The following ADCK1 variants were observed in gnomAD, a reference collection of about 807,000 sequenced individuals.
ADCK1 encodes the protein aarF domain containing kinase 1, also known as aarF domain-containing protein kinase 1.
ADCK1 carries 41 observed loss-of-function variants against 52.3 expected under a neutral mutation model. That is an observed-to-expected ratio of 0.78 (90% CI 0.61 to 1.02). ADCK1 has a LOEUF of 1.02. ADCK1 is among the 50% of genes least tolerant of loss of function. The pLI, the probability that ADCK1 is intolerant of heterozygous loss-of-function variation, is 0.00. For missense variants in ADCK1, 658 were observed against 679.5 expected (o/e 0.97, Z 0.35); for synonymous variants, 250 against 274.6 (o/e 0.91, Z 0.89).
Position 77,887,224 on chromosome 14 carries a change from G to A in ADCK1, c.557G>A (p.Ser186Asn). Residue 186 changes from serine (S) to asparagine (N), a missense_variant, in exon 5 of 11, where the codon AGC (serine) becomes AAC (asparagine). Coordinates refer to ENST00000238561, the MANE Select transcript of ADCK1 (RefSeq NM_020421.4). ...CAGCACCCAAAGGTGCGGGCTCAGAGCTCGAAGGACATTCTCCTGATGGAG... is the reference window on the plus strand; with the variant it reads ...CAGCACCCAAAGGTGCGGGCTCAGAACTCGAAGGACATTCTCCTGATGGAG... ...KVQHPKVRAQ[S>N]SKDILLMEVL... 2 of 1,594,136 alleles carry A rather than the reference G, an allele frequency of 1.3e-6. No individual in the cohort carries two copies. The highest frequency in any genetic ancestry group is 8.5e-7 in the Non-Finnish European group (1 of 1,170,118).
intron 4 of ADCK1, among the ~76,000 whole-genome samples, chr14:77,867,536 G>A (rs17106503): frequency 0.032 from 4,834 of 152,242 alleles, 145 homozygotes; most frequent in South Asian, 0.12. Flanking sequence ...GAGAGATTTC[G>A]GCCATAAAAT....
At chr14:77,812,722 T>C (rs2081360878) in intron 1 of ADCK1, among the ~76,000 whole-genome samples, 1 of 152,022 alleles carries the variant, frequency 6.6e-6, no homozygotes, top group South Asian at 2.1e-4. Context: ...CCTGAGTAGC[T>C]GGAATTACAG....
intron 4 of ADCK1, among the ~76,000 whole-genome samples, chr14:77,882,184 A>T (rs1289415692): frequency 6.6e-6 from 1 of 152,156 alleles, no homozygotes; most frequent in Non-Finnish European, 1.5e-5. Flanking sequence ...AACCACTTCC[A>T]TTAGTGTGGA....
At position 77,931,416 on chromosome 14, in the gene ADCK1, G is replaced by T. The variant is rs2084330313; in HGVS notation, c.1207-102G>T. On this transcript the variant is annotated intron_variant, in intron 9 of 10. Coordinates refer to ENST00000238561, the MANE Select transcript of ADCK1 (RefSeq NM_020421.4). ...GCGGTGCCTGAAGCTCCCTCCTGGG[G>T]CTTCTTTGCAGCCCTCTGGTCACAG... The T allele has an allele frequency of 2.4e-6, 3 of 1,239,022 alleles. No individual in the cohort carries two copies. The South Asian group carries it at 4.3e-5, about 18-fold the overall frequency. The allele number at this position is 1,239,022 out of a possible 1,614,324, so 76.8% of individuals were successfully genotyped here.
chr14:77,899,382 C>T (rs1219955979), intron 6 of ADCK1, 124 bp downstream of exon 6: 36 of 1,294,786 alleles, frequency 2.8e-5, no homozygotes, highest in African/African-American at 5.9e-5. Flanking sequence ...AGTCCTCTTA[C>T]TGAGGATGAA....
chr14:77,806,121 C>T (rs1171134405), intron 1 of ADCK1, among the ~76,000 whole-genome samples: 2 of 150,000 alleles, frequency 1.3e-5, no homozygotes, highest in Non-Finnish European at 3.0e-5. Flanking sequence ...GAGATGAGGT[C>T]TCTCTATGTT....
chr14:77,924,593 A>G lies in ADCK1; in HGVS notation c.995A>G (p.His332Arg). ...AAGGCGGAGATTGTCCTGTTGGACC[A>G]TGGGCTTTACCAGGTAGAAGAGGCC... ...TGKAEIVLLD[H>R]GLYQMLTEEF... Residue 332 changes from histidine to arginine, a missense_variant, in exon 8 of 11, where the codon CAT becomes CGT. Transcript: ENST00000238561. 6.2e-7 allele frequency: 1 copy of G among 1,613,306 alleles called. No individual in the cohort carries two copies. Among genetic ancestry groups the G allele is most frequent in the Non-Finnish European group, 8.5e-7 (1 of 1,180,030 alleles).
At chr14:77,855,651 G>A (rs2082402636) in intron 3 of ADCK1, among the ~76,000 whole-genome samples, 1 of 152,188 alleles carries the variant, frequency 6.6e-6, no homozygotes, top group African/African-American at 2.4e-5. Context: ...GACAGTGTGG[G>A]CCTGATTTCT....
chr14:77,867,055 C>T (rs986119683), intron 4 of ADCK1, among the ~76,000 whole-genome samples: 11 of 152,232 alleles, frequency 7.2e-5, no homozygotes, highest in Non-Finnish European at 1.5e-4. Flanking sequence ...AGGTACTACA[C>T]CAGCCCCTGG....
chr14:77,800,873 A>G (rs979434028), intron 1 of ADCK1, among the ~76,000 whole-genome samples: 4 of 152,256 alleles, frequency 2.6e-5, no homozygotes, highest in African/African-American at 9.6e-5. Context: ...GTAGGTGCTC[A>G]AGAAATATTT....
At chr14:77,827,753 G>A (rs1332440773) in intron 3 of ADCK1, 2 of 367,378 alleles carry the variant, frequency 5.4e-6, no homozygotes, top group East Asian at 1.7e-4. Context: ...AGCCATTTTG[G>A]ACCTGGAGCC....
rs2082491425 is a variant in ADCK1 at position 77,859,256 on chromosome 14, A to G, written c.400A>G (p.Ile134Val). ...QSSMQEIRQV[I>V]REDLGKEIHD... ...CAGCATGCAAGAGATCCGCCAGGTCATCCGAGAAGATCTGGGCAAGGAGGT... is the reference window on the plus strand; with the variant it reads ...CAGCATGCAAGAGATCCGCCAGGTCGTCCGAGAAGATCTGGGCAAGGAGGT... The change falls in exon 4 of 11, where the codon ATC becomes GTC. Residue 134 changes from isoleucine (I) to valine (V), a missense_variant. Ile to Val is a conservative substitution (Grantham distance 29, BLOSUM62 3). Transcript: ENST00000238561. 19 of 1,613,690 alleles carry G rather than the reference A, an allele frequency of 1.2e-5. No homozygotes were observed. The highest frequency in any genetic ancestry group is 1.6e-5 in the Non-Finnish European group (19 of 1,179,904).
At chr14:77,845,676 C>T (rs1451205934) in intron 3 of ADCK1, among the ~76,000 whole-genome samples, 2 of 152,130 alleles carry the variant, frequency 1.3e-5, no homozygotes, top group Admixed American at 6.6e-5. Context: ...CTGCCCACCT[C>T]GGCCTCTCAA....
chr14:77,925,751 G>T lies in ADCK1; in HGVS notation c.1009-13G>T. 6.2e-7 allele frequency: 1 copy of T among 1,613,664 alleles called. No homozygotes were observed. Among genetic ancestry groups the T allele is most frequent in the Non-Finnish European group, 8.5e-7 (1 of 1,179,658 alleles). On this transcript the variant is annotated splice_polypyrimidine_tract_variant and intron_variant, in intron 8 of 10. Transcript: ENST00000238561. ...ACGAGGCTTAGGTCCCACCGCTGCC[G>T]CCTCCACCCTAGATGCTCACGGAAG...
At chr14:77,892,487 A>G (rs1200601524) in intron 5 of ADCK1, among the ~76,000 whole-genome samples, 1 of 152,108 alleles carries the variant, frequency 6.6e-6, no homozygotes, top group African/African-American at 2.4e-5. Flanking sequence ...CCAGCACCTC[A>G]TTGTTTGTAA....
chr14:77,836,884 C>T (rs571306155), intron 3 of ADCK1, among the ~76,000 whole-genome samples: 15 of 151,734 alleles, frequency 9.9e-5, no homozygotes, highest in Admixed American at 2.0e-4. Flanking sequence ...AGCGATTCCC[C>T]TGCCTCAGCC....
At chr14:77,855,832 C>T (rs2140129625) in intron 3 of ADCK1, among the ~76,000 whole-genome samples, 1 of 152,238 alleles carries the variant, frequency 6.6e-6, no homozygotes, top group Admixed American at 6.5e-5. Context: ...GCTGGACTTT[C>T]CATTTTCAGA....
chr14:77,929,697 C>T (rs551984589), intron 9 of ADCK1, among the ~76,000 whole-genome samples: 99 of 152,070 alleles, frequency 6.5e-4, no homozygotes, highest in Non-Finnish European at 9.7e-4. Flanking sequence ...GACAGAGTCT[C>T]GCTCTGTTGT....
chr14:77,850,129 G>A (rs1236481376), intron 3 of ADCK1, among the ~76,000 whole-genome samples: 1 of 152,162 alleles, frequency 6.6e-6, no homozygotes, highest in African/African-American at 2.4e-5. Context: ...CTCCCTTGAG[G>A]CCAAGAGTTC....
Sources: allele counts gnomAD v4.1 joint callset (sites outside exome capture counted in the v4.1 genomes callset), GRCh38; gene constraint gnomAD v4.1.1; transcripts MANE v1.5; gene names NCBI Gene and HGNC (gene_info 2026-07-23, HGNC 2026-07-21).